The following TNIK variants were observed in gnomAD, a reference collection of about 807,000 sequenced individuals.
TNIK encodes TRAF2 and NCK interacting kinase.
In TNIK, 49 loss-of-function variants were observed where a neutral mutation model predicts 191.3. The ratio of observed to expected loss-of-function variants is 0.26; its 90% CI spans 0.20 to 0.32. The LOEUF (loss-of-function observed/expected upper bound fraction) is 0.32. TNIK is among the 10% of genes least tolerant of loss of function. The probability of loss-of-function intolerance (pLI) is 1.00; values close to 1 mark genes in which losing one functional copy is unlikely to be tolerated. For synonymous variants in TNIK, 594 were observed against 600.9 expected (o/e 0.99, Z 0.17); for missense variants, 1,155 against 1,702.3 (o/e 0.68, Z 5.66).
intron 1 of TNIK, among the ~76,000 whole-genome samples, chr3:171,401,143 A>C (rs1720903097): frequency 6.6e-6 from 1 of 152,202 alleles, no homozygotes; most frequent in African/African-American, 2.4e-5. Context: ...GCTGGGAACC[A>C]GAGCTCCATA....
At chr3:171,294,929 C>T (rs1297250285) in intron 2 of TNIK, among the ~76,000 whole-genome samples, 1 of 151,554 alleles carries the variant, frequency 6.6e-6, no homozygotes, top group African/African-American at 2.4e-5. Context: ...TGTGTTCATT[C>T]AGAGATTAAG....
chr3:171,228,777 C>CT (rs1743258497), intron 2 of TNIK, among the ~76,000 whole-genome samples: 1 of 152,130 alleles, frequency 6.6e-6, no homozygotes, highest in Non-Finnish European at 1.5e-5. Flanking sequence ...AACTGCTTCC[C>CT]CAAGGTGGGC....
chr3:171,432,508 T>C (rs555416450), intron 1 of TNIK, among the ~76,000 whole-genome samples: 1 of 152,340 alleles, frequency 6.6e-6, no homozygotes, highest in African/African-American at 2.4e-5. Flanking sequence ...TAATTTCCAT[T>C]ATTTTCCCAA....
intron 1 of TNIK, among the ~76,000 whole-genome samples, chr3:171,438,988 C>T (rs1726399171): frequency 6.6e-6 from 1 of 152,194 alleles, no homozygotes; most frequent in Non-Finnish European, 1.5e-5. Context: ...ATTAGAAAAG[C>T]ATTCCCACTA....
intron 1 of TNIK, among the ~76,000 whole-genome samples, chr3:171,383,061 A>G (rs759476131): frequency 6.6e-6 from 1 of 152,174 alleles, no homozygotes; most frequent in Non-Finnish European, 1.5e-5. Context: ...ATTGCTCACA[A>G]GAGAAAAAAA....
chr3:171,139,378 GCACACACACACACACA>G (rs34521732), intron 14 of TNIK, 76 bp downstream of exon 14: 91 of 692,986 alleles, frequency 1.3e-4, no homozygotes, highest in Non-Finnish European at 1.6e-4. Context: ...ACGCACGCGC[GCACACACACACACACA>G]CACACACACA....
At chr3:171,335,797 G>A (rs1044769661) in intron 2 of TNIK, among the ~76,000 whole-genome samples, 1 of 152,112 alleles carries the variant, frequency 6.6e-6, no homozygotes, top group Non-Finnish European at 1.5e-5. Flanking sequence ...AAGTAGATTT[G>A]CCAGGTCATC....
chr3:171,269,569 G>A (rs1577308165), intron 2 of TNIK, among the ~76,000 whole-genome samples: 1 of 152,148 alleles, frequency 6.6e-6, no homozygotes, highest in East Asian at 1.9e-4. Context: ...TAATTCAGTG[G>A]TGGCACTCAA....
rs1378205167 is a variant in TNIK, at chr3:171,108,153, T to C, written c.2294A>G (p.Lys765Arg). Residue 765 changes from lysine (K) to arginine (R), a missense_variant, in exon 20 of 33, where the codon AAG becomes AGG. Coordinates refer to ENST00000436636, the MANE Select transcript of TNIK (RefSeq NM_015028.4). ...GGGGAGCACAGGTGATCCTTCTGAC[T>C]TACTGTTGGCTAGAGGAAAAAAACA... is the stretch of plus-strand genomic sequence containing the variant. ...SERTRVRANS[K>R]SEGSPVLPHE... 2 of 1,555,718 alleles carry C rather than the reference T, an allele frequency of 1.3e-6. No individual in the cohort carries two copies. The highest frequency in any genetic ancestry group is 4.0e-5 in the Admixed American group (2 of 50,278).
At chr3:171,200,785 G>A (rs1012624812) in intron 4 of TNIK, among the ~76,000 whole-genome samples, 4 of 152,160 alleles carry the variant, frequency 2.6e-5, no homozygotes, top group African/African-American at 9.7e-5. Flanking sequence ...GGCAGTCAAA[G>A]GTTTGGATGA....
intron 4 of TNIK, among the ~76,000 whole-genome samples, chr3:171,195,566 C>T (rs1044366907): frequency 9.2e-5 from 14 of 152,014 alleles, no homozygotes; most frequent in African/African-American, 3.1e-4. Context: ...TTCCTGATAT[C>T]AGCACTATGT....
intron 4 of TNIK, among the ~76,000 whole-genome samples, chr3:171,202,450 T>C (rs1229494369): frequency 1.3e-5 from 2 of 152,140 alleles, no homozygotes; most frequent in Non-Finnish European, 2.9e-5. Flanking sequence ...TGCTGAAGAT[T>C]TTGAGAAACA....
At chr3:171,147,420 G>T (rs2108663702) in intron 12 of TNIK, among the ~76,000 whole-genome samples, 1 of 152,228 alleles carries the variant, frequency 6.6e-6, no homozygotes, top group East Asian at 1.9e-4. Flanking sequence ...CAGCTTCTGG[G>T]CATTCCATTT....
At chr3:171,355,746 A>C (rs1336791156) in intron 2 of TNIK, among the ~76,000 whole-genome samples, 1 of 152,246 alleles carries the variant, frequency 6.6e-6, no homozygotes, top group African/African-American at 2.4e-5. Context: ...TGGAAACGGA[A>C]ATAGAGAGTC....
At position 171,453,385 on chromosome 3, in the gene TNIK, A is replaced by G. The variant is rs1309926304; in HGVS notation, c.57+6622T>C. 2.0e-5 allele frequency among the ~76,000 whole-genome samples: 3 copies of G among 152,154 alleles called. No individual in the cohort carries two copies. The East Asian group carries it at 5.8e-4, about 29-fold the overall frequency. On this transcript the variant is annotated intron_variant, in intron 1 of 32. Transcript: ENST00000436636. ...GTCTGCGAATGTTCAGCGTTGGGGC[A>G]GTAGGTACAGAAAGGAGACTAAGAC...
intron 1 of TNIK, among the ~76,000 whole-genome samples, chr3:171,377,671 A>G (rs1038772214): frequency 6.6e-6 from 1 of 152,254 alleles, no homozygotes; most frequent in African/African-American, 2.4e-5. Context: ...GCCCAAGATT[A>G]AACAGTAAGT....
At chr3:171,316,795 C>T (rs1485064026) in intron 2 of TNIK, among the ~76,000 whole-genome samples, 1 of 151,774 alleles carries the variant, frequency 6.6e-6, no homozygotes, top group African/African-American at 2.4e-5. Flanking sequence ...TCTTATATTA[C>T]TATAAGGAGT....
At chr3:171,270,843 G>C (rs1749006769) in intron 2 of TNIK, among the ~76,000 whole-genome samples, 1 of 152,262 alleles carries the variant, frequency 6.6e-6, no homozygotes, top group African/African-American at 2.4e-5. Flanking sequence ...CTTCATAGAG[G>C]TTAAATGAGT....
intron 10 of TNIK, among the ~76,000 whole-genome samples, chr3:171,165,453 C>A (rs534411694): frequency 2.7e-4 from 40 of 150,608 alleles, no homozygotes; most frequent in East Asian, 1.2e-3. Context: ...CTTTCTGGAA[C>A]CTTCACTGAG....
Sources: allele counts gnomAD v4.1 joint callset (sites outside exome capture counted in the v4.1 genomes callset), GRCh38; gene constraint gnomAD v4.1.1; transcripts MANE v1.5; gene names NCBI Gene and HGNC (gene_info 2026-07-23, HGNC 2026-07-21).